The following HMGN2 variants were observed in gnomAD, a reference collection of about 807,000 sequenced individuals.
HMGN2 encodes the protein non-histone chromosomal protein HMG-17.
HMGN2 carries 2 observed loss-of-function variants against 16.9 expected under a neutral mutation model. The ratio of observed to expected loss-of-function variants is 0.12; its 90% CI spans 0.05 to 0.37. The LOEUF (loss-of-function observed/expected upper bound fraction) is 0.37. Ranked by LOEUF, HMGN2 falls within the 10% of genes least tolerant of loss-of-function variation. HMGN2 has a pLI of 1.00. For synonymous variants in HMGN2, 31 were observed against 34.9 expected, an observed-to-expected ratio of 0.89 and a Z score of 0.39; for missense variants, 90 against 106.0, an observed-to-expected ratio of 0.85 and a Z score of 0.66.
chr1:26,474,007 C>A, intron 3 of HMGN2, 78 bp from the exon 4 acceptor site: 1 of 1,215,542 alleles, frequency 8.2e-7, no homozygotes, highest in Non-Finnish European at 1.2e-6. Context: ...ACCCTTGGTA[C>A]TTTTGGTTGG....
At position 26,473,511 on chromosome 1, in the gene HMGN2, C is replaced by G. The variant is rs772947840; in HGVS notation, c.44C>G (p.Ala15Gly). 5 of 1,613,358 alleles carry G rather than the reference C, an allele frequency of 3.1e-6. No homozygotes were observed. Among genetic ancestry groups the G allele is most frequent in the Non-Finnish European group, 4.2e-6 (5 of 1,179,276 alleles). The change falls in exon 2 of 6, where the codon GCA (alanine) becomes GGA (glycine). Residue 15 changes from alanine (A) to glycine (G), a missense_variant. Ala to Gly is a moderately conservative substitution (Grantham distance 60, BLOSUM62 0). Transcript: ENST00000361427. Reference protein sequence around the residue: ...KAEGDAKGDKAKVKDEPQRRS... With the variant: ...KAEGDAKGDKGKVKDEPQRRS... ...GAAGGGGATGCTAAGGGAGATAAAG[C>G]AAAGGTGAAGGACGAAGTAAGTCAT...
Position 26,473,688 on chromosome 1 carries a change from CGTT to C in HMGN2, c.61-12_61-10del. On this transcript the variant is annotated splice_polypyrimidine_tract_variant and intron_variant, in intron 2 of 5. Transcript: ENST00000361427. ...TTACCTGTCCTATTTCTAACTTTCT[CGTT>C]GTCTTTAATAGCCACAGAGAAGATC... The C allele has an allele frequency of 3.1e-6, 5 of 1,613,760 alleles. No individual in the cohort carries two copies. Among genetic ancestry groups the C allele is most frequent in the Non-Finnish European group, 4.2e-6 (5 of 1,179,708 alleles).
rs1024738385 is a variant in HMGN2, at chr1:26,472,473, C to A, written c.-140C>A. ...GTTCTAACCGGTCCGGGGCTCCCAG[C>A]GCTATAAAAACTTTATAAACCCCCC... On this transcript the variant is annotated 5_prime_UTR_variant, in exon 1 of 6. Coordinates refer to ENST00000361427, the MANE Select transcript of HMGN2 (RefSeq NM_005517.4). 3.9e-6 allele frequency: 4 copies of A among 1,034,374 alleles called. No individual in the cohort carries two copies. The highest frequency in any genetic ancestry group is 1.4e-5 in the South Asian group (1 of 73,668). 64.1% of individuals were successfully genotyped at this position (1,034,374 alleles called of 1,614,324 possible).
In HMGN2 at chr1:26,474,140, G is replaced by A; in HGVS notation, c.141+5G>A. 1.2e-6 allele frequency: 2 copies of A among 1,603,090 alleles called. No individual in the cohort carries two copies. Among genetic ancestry groups the A allele is most frequent in the Non-Finnish European group, 1.7e-6 (2 of 1,174,658 alleles). Reference sequence around the variant, plus strand: ...CCTAAAAAGGCCCCTGCAAAGGTAAGTGCTAACATTGGAACTGATCATTTT... The same window carrying A: ...CCTAAAAAGGCCCCTGCAAAGGTAAATGCTAACATTGGAACTGATCATTTT... On this transcript the variant is annotated splice_donor_5th_base_variant and intron_variant, in intron 4 of 5. Coordinates refer to ENST00000361427, the MANE Select transcript of HMGN2 (RefSeq NM_005517.4).
chr1:26,472,560 C>T lies in HMGN2; in HGVS notation c.-53C>T, dbSNP rs904809098. 5 of 1,534,676 alleles carry T rather than the reference C, an allele frequency of 3.3e-6. No individual in the cohort carries two copies. In the African/African-American group the frequency reaches 6.9e-5, roughly 21 times the overall value. ...CCCCGGACCGACCAAAGCCCGCGCG[C>T]CGCTGCATCCCGCGTCCAGCACCTA... On this transcript the variant is annotated 5_prime_UTR_variant, in exon 1 of 6. Coordinates refer to ENST00000361427, the MANE Select transcript of HMGN2 (RefSeq NM_005517.4).
intron 1 of HMGN2, among the ~76,000 whole-genome samples, chr1:26,473,020 GCCAAAAAACC>G (rs2075583322): frequency 1.1e-5 from 1 of 94,258 alleles, no homozygotes; most frequent in South Asian, 4.0e-4. Flanking sequence ...AAGCGCTGCC[GCCAAAAAACC>G]GCCGCCGTGA....
intron 1 of HMGN2, among the ~76,000 whole-genome samples, chr1:26,472,843 CG>C (rs968731039): frequency 6.6e-6 from 1 of 151,800 alleles, no homozygotes; most frequent in African/African-American, 2.4e-5. Context: ...GCGGCCGCGG[CG>C]GGAGGAGCCA....
chr1:26,474,424 G>T (rs1424236934), intron 4 of HMGN2, 148 bp from the exon 5 acceptor site: 3 of 623,458 alleles, frequency 4.8e-6, no homozygotes, highest in Non-Finnish European at 8.7e-6. Context: ...AGATAATTTA[G>T]CCTAGTTTTG....
chr1:26,473,732 T>A lies in HMGN2; in HGVS notation c.90T>A (p.Ala30=). Reference sequence around the variant, plus strand: ...AGAGAAGATCCGCGAGGTTGTCTGCTGTAAGTGTATGCTTTTGAATTTTCG... The same window carrying A: ...AGAGAAGATCCGCGAGGTTGTCTGCAGTAAGTGTATGCTTTTGAATTTTCG... ...EPQRRSARLS[A]KPAPPKPEPK... is the part of the protein sequence containing the mutation. The change falls in exon 3 of 6, where the codon GCT becomes GCA. Residue 30 remains alanine, a splice_region_variant and synonymous_variant. Coordinates refer to ENST00000361427, the MANE Select transcript of HMGN2 (RefSeq NM_005517.4). 1 of 1,614,004 alleles carries A rather than the reference T, an allele frequency of 6.2e-7. No individual in the cohort carries two copies.
At chr1:26,473,292 C>A in intron 1 of HMGN2, 191 bp from the exon 2 acceptor site, 1 of 597,850 alleles carries the variant, frequency 1.7e-6, no homozygotes, top group East Asian at 2.8e-5. Flanking sequence ...GTCCAGCCCT[C>A]GCTTCTCGGG....
intron 4 of HMGN2, 83 bp from the exon 5 acceptor site, chr1:26,474,489 T>G: frequency 1.4e-6 from 1 of 733,874 alleles, no homozygotes; most frequent in South Asian, 1.5e-5. Flanking sequence ...GAGTAAACAA[T>G]CCTACCTTGT....
At position 26,472,730 on chromosome 1, in the gene HMGN2, C is replaced by T. The variant is rs1349571901; in HGVS notation, c.15+103C>T. ...AGAATCGGCGCCGAGCAGGAGCCAG[C>T]GCAGCCTCCCCGCGCGGGGGCTGGA... On this transcript the variant is annotated intron_variant, in intron 1 of 5. Transcript: ENST00000361427. The T allele has an allele frequency of 3.8e-6, 4 of 1,049,738 alleles. 1 individual carries two copies. The highest frequency in any genetic ancestry group is 3.3e-5 in the South Asian group (2 of 61,448). 65.0% of individuals were successfully genotyped at this position (1,049,738 alleles called of 1,614,324 possible).
intron 1 of HMGN2, 94 bp from the exon 2 acceptor site, chr1:26,473,389 G>T: frequency 1.1e-6 from 1 of 898,630 alleles, no homozygotes. Context: ...TTGTGTGGAC[G>T]ACTGCTTTAA....
chr1:26,473,294 C>T (rs894500053), intron 1 of HMGN2, 189 bp from the exon 2 acceptor site: 13 of 598,862 alleles, frequency 2.2e-5, no homozygotes, highest in Non-Finnish European at 3.2e-5. Context: ...CCAGCCCTCG[C>T]TTCTCGGGGT....
At chr1:26,473,462 T>C in intron 1 of HMGN2, 21 bp from the exon 2 acceptor site, 1 of 1,601,754 alleles carries the variant, frequency 6.2e-7, no homozygotes, top group Non-Finnish European at 8.6e-7. Flanking sequence ...ATCTGCAGTT[T>C]TTTGTTCTTG....
chr1:26,476,000 G>C lies in HMGN2; in HGVS notation c.*852G>C. 6.8e-6 allele frequency: 2 copies of C among 294,082 alleles called. No homozygotes were observed. Among genetic ancestry groups the C allele is most frequent in the Non-Finnish European group, 1.3e-5 (2 of 150,988 alleles). 18.2% of individuals were successfully genotyped at this position (294,082 alleles called of 1,614,324 possible). ...CTGCCTCTGATCTTTTCCCACAAGT[G>C]GGGTAACCTGGTTTATCCAAGTCTC... On this transcript the variant is annotated 3_prime_UTR_variant, in exon 6 of 6. Transcript: ENST00000361427.
chr1:26,473,627 A>T lies in HMGN2; in HGVS notation c.61-76A>T, dbSNP rs2075590180. 3.8e-6 allele frequency: 6 copies of T among 1,565,486 alleles called. No individual in the cohort carries two copies. The African/African-American group carries it at 6.8e-5, about 18-fold the overall frequency. On this transcript the variant is annotated intron_variant, in intron 2 of 5. Coordinates refer to ENST00000361427, the MANE Select transcript of HMGN2 (RefSeq NM_005517.4). The stretch of plus-strand genomic sequence containing the variant: ...TGTGTCCTGAATTTACACTCCTATA[A>T]TCTAGAGCAAATTGATACCAAACTT...
chr1:26,473,600 C>T, intron 2 of HMGN2, 73 bp downstream of exon 2: 6 of 1,545,538 alleles, frequency 3.9e-6, no homozygotes, highest in Non-Finnish European at 5.4e-6. Context: ...TTAACCGTAA[C>T]CTGTGTCCTG....
At position 26,475,674 on chromosome 1, in the gene HMGN2, G is replaced by C. The variant is rs553316119; in HGVS notation, c.*526G>C. ...TCCATTTCTAGATTGTGGATCTTCA[G>C]ATAAATTCTGCCATTTTCATTTCAC... On this transcript the variant is annotated 3_prime_UTR_variant, in exon 6 of 6. Transcript: ENST00000361427. 3.0e-6 allele frequency: 1 copy of C among 330,638 alleles called. No individual in the cohort carries two copies. The highest frequency in any genetic ancestry group is 8.8e-5 in the East Asian group (1 of 11,352). The allele number at this position is 330,638 out of a possible 1,614,324, so 20.5% of individuals were successfully genotyped here. A position where few individuals can be genotyped will look rare whatever the true frequency, so the allele number is the denominator to read the frequency against.
Sources: allele counts gnomAD v4.1 joint callset (sites outside exome capture counted in the v4.1 genomes callset), GRCh38; gene constraint gnomAD v4.1.1; transcripts MANE v1.5; gene names NCBI Gene and HGNC (gene_info 2026-07-23, HGNC 2026-07-21).